Variants in ALDH4A1 observed in about 807,000 individuals in gnomAD.
ALDH4A1 encodes the protein aldehyde dehydrogenase 4 family member A1, also known as delta-1-pyrroline-5-carboxylate dehydrogenase, mitochondrial.
Under a neutral mutation model 70.5 loss-of-function variants are expected in ALDH4A1, and 46 were observed. The observed-to-expected ratio is 0.65, with a 90% CI of 0.51 to 0.83. ALDH4A1 has a LOEUF of 0.83. ALDH4A1 is among the 40% of genes least tolerant of loss of function. The probability of loss-of-function intolerance (pLI) is 0.00; values close to 1 mark genes in which losing one functional copy is unlikely to be tolerated. For missense variants in ALDH4A1, 749 were observed against 766.5 expected, an observed-to-expected ratio of 0.98 and a Z score of 0.27; for synonymous variants, 323 against 324.3, an observed-to-expected ratio of 1.00 and a Z score of 0.04.
In ALDH4A1 at chr1:18,877,794, T is replaced by C. The variant is rs371685902; in HGVS notation, c.941-182A>G. Among the ~76,000 whole-genome samples, 12 of 152,222 alleles carry C rather than the reference T, an allele frequency of 7.9e-5. No homozygotes were observed. The East Asian group carries it at 1.5e-3, about 20-fold the overall frequency. On this transcript the variant is annotated intron_variant, in intron 9 of 14. Coordinates refer to ENST00000375341, the MANE Select transcript of ALDH4A1 (RefSeq NM_003748.4). The stretch of plus-strand genomic sequence containing the variant: ...CCCAGAGACCCACGGGCCAGGCCCA[T>C]TCTCCCACTCCACAGATGAGGAAAC...
chr1:18,900,631 C>T (rs1296088413), intron 1 of ALDH4A1, among the ~76,000 whole-genome samples: 1 of 152,168 alleles, frequency 6.6e-6, no homozygotes, highest in African/African-American at 2.4e-5. Context: ...CAAAATGTAG[C>T]CCCAAATGCG....
In ALDH4A1 at chr1:18,877,552, C is replaced by T. The variant is rs1480901808; in HGVS notation, c.1001G>A (p.Ser334Asn). 2 of 1,612,268 alleles carry T rather than the reference C, an allele frequency of 1.2e-6. No individual in the cohort carries two copies. The highest frequency in any genetic ancestry group is 1.3e-5 in the African/African-American group (1 of 74,984). The change falls in exon 10 of 15, where the codon AGC becomes AAC. Residue 334 changes from serine to asparagine, a missense_variant. Coordinates refer to ENST00000375341, the MANE Select transcript of ALDH4A1 (RefSeq NM_003748.4). ...CTCGAAGGCTGAGCGGAGGGTCCCG[C>T]TCACCACGCTCTCCACGTCGGCCGA... ...HRSADVESVV[S>N]GTLRSAFEYG... is the part of the protein sequence containing the mutation.
In ALDH4A1 at chr1:18,881,936, C is replaced by T. The variant is rs368646454; in HGVS notation, c.679-49G>A. The T allele has an allele frequency of 1.2e-4, 190 of 1,536,676 alleles. 1 individual carries two copies. The African/African-American group carries it at 2.5e-3, about 20-fold the overall frequency. ...TGCATGAGGATGGCGCCACCAGCCCCCAACCCCCACCCCACCCTACCCTAC... is the reference window on the plus strand; with the variant it reads ...TGCATGAGGATGGCGCCACCAGCCCTCAACCCCCACCCCACCCTACCCTAC... On this transcript the variant is annotated intron_variant, in intron 7 of 14. Coordinates refer to ENST00000375341, the MANE Select transcript of ALDH4A1 (RefSeq NM_003748.4).
At chr1:18,876,750 A>G (rs111769699) in intron 11 of ALDH4A1, among the ~76,000 whole-genome samples, 4,038 of 152,018 alleles carry the variant, frequency 0.027, 158 homozygotes, top group African/African-American at 0.091. Context: ...ACATCAATCA[A>G]TGCATATATA....
At chr1:18,889,279 C>A in intron 3 of ALDH4A1, 83 bp downstream of exon 3, 1 of 1,297,366 alleles carries the variant, frequency 7.7e-7, no homozygotes, top group Non-Finnish European at 1.1e-6. Context: ...TCAGAGCCCA[C>A]ACATTATAAG....
In ALDH4A1 at chr1:18,885,669, G is replaced by C. The variant is rs78668214; in HGVS notation, c.298-41C>G. On this transcript the variant is annotated intron_variant, in intron 4 of 14. Transcript: ENST00000375341. The stretch of plus-strand genomic sequence containing the variant: ...GAGGTTGGGGACTGCCACCTGCAGC[G>C]GGAAAGGCCCTGGGGAGTGAGCGAG... 341 of 1,612,862 alleles carry C rather than the reference G, an allele frequency of 2.1e-4. No homozygotes were observed. In the African/African-American group the frequency reaches 3.9e-3, roughly 19 times the overall value.
intron 14 of ALDH4A1, 99 bp from the exon 15 acceptor site, chr1:18,873,056 C>T: frequency 6.7e-6 from 7 of 1,044,118 alleles, no homozygotes; most frequent in South Asian, 1.3e-5. Context: ...AGCAGTGTAG[C>T]GGCCAGCAGC....
At position 18,880,331 on chromosome 1, in the gene ALDH4A1, G is replaced by C. The variant is rs963335592; in HGVS notation, c.867-958C>G. Among the ~76,000 whole-genome samples the C allele has an allele frequency of 2.0e-5, 3 of 151,872 alleles. No homozygotes were observed. Among genetic ancestry groups the C allele is most frequent in the Admixed American group, 2.0e-4 (3 of 15,252 alleles). ...AGGAGATTCATCTTCCCCCGAGCCC[G>C]CTCGCCCTCCCAGGTGCCCATCTTG... On this transcript the variant is annotated intron_variant, in intron 8 of 14. Transcript: ENST00000375341. The surrounding 1 kb of genome is among the most constrained non-coding windows in gnomAD (Gnocchi z 5.1).
At position 18,871,924 on chromosome 1, in the gene ALDH4A1, C is replaced by A. The variant is rs1138269; in HGVS notation, c.*921G>T. On this transcript the variant is annotated 3_prime_UTR_variant, in exon 15 of 15. Coordinates refer to ENST00000375341, the MANE Select transcript of ALDH4A1 (RefSeq NM_003748.4). ...ACGTCCTCGGCCCATGCTGACGAAC[C>A]CAAGGCCAGGCCTCTGGGGGCTGGG... 6.6e-6 allele frequency: 1 copy of A among 152,128 alleles called. No homozygotes were observed. The highest frequency in any genetic ancestry group is 1.5e-5 in the Non-Finnish European group (1 of 68,050). The allele number at this position is 152,128 out of a possible 1,614,324, so 9.4% of individuals were successfully genotyped here.
chr1:18,875,459 GTCA>G lies in ALDH4A1; in HGVS notation c.1380_1382del (p.Asp461del). 2 of 1,614,104 alleles carry G rather than the reference GTCA, an allele frequency of 1.2e-6. No individual in the cohort carries two copies. Among genetic ancestry groups the G allele is most frequent in the Non-Finnish European group, 1.7e-6 (2 of 1,179,998 alleles). Reference sequence around the variant, plus strand: ...CCAGCTGCAGCGTCTCCTTGTACTTGTCATCCGGGTAGACGTACACAGACAGTA... The same window carrying G: ...CCAGCTGCAGCGTCTCCTTGTACTTGTCCGGGTAGACGTACACAGACAGTA... On this transcript the variant is annotated inframe_deletion, in exon 13 of 15. Transcript: ENST00000375341.
intron 5 of ALDH4A1, 91 bp from the exon 6 acceptor site, chr1:18,883,519 G>A: frequency 6.4e-7 from 1 of 1,570,942 alleles, no homozygotes; most frequent in Non-Finnish European, 8.6e-7. Flanking sequence ...AGCGAGCACT[G>A]AGCCGGGCCC....
At chr1:18,885,415 G>T in intron 5 of ALDH4A1, 58 bp downstream of exon 5, 1 of 1,433,766 alleles carries the variant, frequency 7.0e-7, no homozygotes, top group Non-Finnish European at 9.5e-7. Context: ...CCATGGGTAG[G>T]GCACACCTGA....
chr1:18,900,559 C>T (rs1935766409), intron 1 of ALDH4A1, among the ~76,000 whole-genome samples: 1 of 152,090 alleles, frequency 6.6e-6, no homozygotes, highest in African/African-American at 2.4e-5. Flanking sequence ...TGACATGCAG[C>T]GGGTAAAGGC....
intron 8 of ALDH4A1, 105 bp from the exon 9 acceptor site, chr1:18,879,478 G>A (rs1934876003): frequency 6.9e-6 from 7 of 1,013,578 alleles, no homozygotes; most frequent in Admixed American, 4.0e-5. Context: ...CAGGAGGTGG[G>A]AGCCAAGTCG....
intron 10 of ALDH4A1, 78 bp downstream of exon 10, chr1:18,877,338 G>A (rs779778218): frequency 1.3e-4 from 196 of 1,554,386 alleles, no homozygotes; most frequent in East Asian, 2.9e-4. Flanking sequence ...CCCCAGCCCC[G>A]GCTGCAGAGG....
chr1:18,887,403 T>G (rs758635495), intron 3 of ALDH4A1, among the ~76,000 whole-genome samples: 9 of 152,272 alleles, frequency 5.9e-5, no homozygotes, highest in East Asian at 1.9e-4. Flanking sequence ...ATCGAGACCA[T>G]CCTGGCTAAC....
chr1:18,875,384 A>T lies in ALDH4A1; in HGVS notation c.1458T>A (p.Asp486Glu). 6.2e-7 allele frequency: 1 copy of T among 1,614,046 alleles called. No individual in the cohort carries two copies. Among genetic ancestry groups the T allele is most frequent in the South Asian group, 1.1e-5 (1 of 91,074 alleles). ...AGGGCTGCGGCCTGGCCACTCACTT[A>T]TCCTGGGAGAACACTGCCCCCGTGA... Reference protein sequence around the residue: ...YGLTGAVFSQDKDVVQEATKV... With the variant: ...YGLTGAVFSQEKDVVQEATKV... Residue 486 changes from aspartate to glutamate, a missense_variant and splice_region_variant, in exon 13 of 15, where the codon GAT (aspartate) becomes GAA (glutamate). Transcript: ENST00000375341.
chr1:18,881,001 C>T (rs1045909474), intron 8 of ALDH4A1, among the ~76,000 whole-genome samples: 3 of 152,176 alleles, frequency 2.0e-5, no homozygotes, highest in African/African-American at 7.2e-5. Flanking sequence ...CACCTCCAGC[C>T]TGAGAGCCGG....
intron 14 of ALDH4A1, among the ~76,000 whole-genome samples, chr1:18,873,496 GC>G (rs1934535326): frequency 6.6e-6 from 1 of 152,100 alleles, no homozygotes; most frequent in Non-Finnish European, 1.5e-5. Flanking sequence ...GGAACCTTCA[GC>G]CCCAGGGAGG....
Sources: gnomAD v4.1 joint callset for allele counts (sites outside exome capture counted in the v4.1 genomes callset) on GRCh38, gnomAD v4.1.1 for gene constraint, Gnocchi (gnomAD v3.1) non-coding constraint, MANE v1.5 for transcripts, NCBI Gene and HGNC (gene_info 2026-07-23, HGNC 2026-07-21) for gene names.